PDIA5: variants seen among roughly 807,000 people sequenced by gnomAD.
PDIA5 encodes protein disulfide-isomerase A5.
Under a neutral mutation model 77.6 loss-of-function variants are expected in PDIA5, and 58 were observed. The ratio of observed to expected loss-of-function variants is 0.75; its 90% CI spans 0.61 to 0.93. The LOEUF is 0.93. Among genes scored for constraint, PDIA5 ranks in the 40% least tolerant of loss-of-function variants. The probability of loss-of-function intolerance (pLI) is 0.00; values close to 1 mark genes in which losing one functional copy is unlikely to be tolerated. For missense variants in PDIA5, 630 were observed against 647.7 expected (o/e 0.97, Z 0.30); for synonymous variants, 250 against 252.1 (o/e 0.99, Z 0.08).
intron 2 of PDIA5, 29 bp from the exon 3 acceptor site, chr3:123,092,326 A>C (rs377372212): frequency 2.5e-6 from 4 of 1,581,622 alleles, no homozygotes; most frequent in Non-Finnish European, 3.5e-6. Context: ...TTGGTCACAG[A>C]TGTTTAATTT....
At chr3:123,129,420 C>G (rs188228340) in intron 10 of PDIA5, among the ~76,000 whole-genome samples, 1 of 152,190 alleles carries the variant, frequency 6.6e-6, no homozygotes, top group South Asian at 2.1e-4. Flanking sequence ...TACCCGGCTG[C>G]GGAGGGAAGT....
chr3:123,145,475 A>G, intron 11 of PDIA5, 47 bp from the exon 12 acceptor site: 1 of 1,481,090 alleles, frequency 6.8e-7, no homozygotes. Flanking sequence ...GAGCATCCCG[A>G]GGGCCTCTGT....
At chr3:123,145,245 G>T in intron 11 of PDIA5, 1 of 385,124 alleles carries the variant, frequency 2.6e-6, no homozygotes, top group Non-Finnish European at 4.6e-6. Flanking sequence ...ACTTTGTGGG[G>T]TAGTTATGAG....
intron 10 of PDIA5, among the ~76,000 whole-genome samples, chr3:123,128,301 T>C (rs1560538026): frequency 6.6e-6 from 1 of 152,198 alleles, no homozygotes; most frequent in African/African-American, 2.4e-5. Context: ...GTTTTTTGTT[T>C]TGAAACTCCT....
intron 3 of PDIA5, among the ~76,000 whole-genome samples, chr3:123,098,498 G>A (rs530051879): frequency 3.7e-4 from 57 of 152,266 alleles, no homozygotes; most frequent in African/African-American, 1.1e-3. Flanking sequence ...AGCCACTCCC[G>A]ACTAGCAGCC....
chr3:123,117,878 G>A (rs1336429658), intron 8 of PDIA5, among the ~76,000 whole-genome samples: 1 of 152,004 alleles, frequency 6.6e-6, no homozygotes, highest in Non-Finnish European at 1.5e-5. Flanking sequence ...GTGTCTTGAT[G>A]GCAACATAAA....
chr3:123,074,214 A>ATTGG (rs1175312780), intron 1 of PDIA5, among the ~76,000 whole-genome samples: 1 of 152,216 alleles, frequency 6.6e-6, no homozygotes, highest in African/African-American at 2.4e-5. Context: ...ATGCTAAGGC[A>ATTGG]TTGGGGATAA....
chr3:123,084,054 C>A (rs925252511), intron 1 of PDIA5, among the ~76,000 whole-genome samples: 10 of 152,076 alleles, frequency 6.6e-5, no homozygotes, highest in African/African-American at 2.4e-4. Context: ...TGTCTTAGCT[C>A]TTTGGACCCC....
At chr3:123,071,539 A>T (rs186360860) in intron 1 of PDIA5, among the ~76,000 whole-genome samples, 3 of 152,232 alleles carry the variant, frequency 2.0e-5, no homozygotes. Context: ...GCCATTTAAA[A>T]TGCTGTTTGG....
In PDIA5 at chr3:123,102,727, C is replaced by T. The variant is rs761014503; in HGVS notation, c.342-24C>T. ...TCTTCACAACCATTCTTAAAGTTAA[C>T]ACATTTTTCTCCTCATTTGACAGGG... On this transcript the variant is annotated intron_variant, in intron 4 of 16. Coordinates refer to ENST00000316218, the MANE Select transcript of PDIA5 (RefSeq NM_006810.4). 2.5e-6 allele frequency: 4 copies of T among 1,579,014 alleles called. No individual in the cohort carries two copies. The Admixed American group carries it at 5.0e-5, about 20-fold the overall frequency.
At chr3:123,108,548 G>T (rs1175614389) in intron 6 of PDIA5, among the ~76,000 whole-genome samples, 1 of 148,514 alleles carries the variant, frequency 6.7e-6, no homozygotes, top group Admixed American at 6.7e-5. Context: ...CCAAAGTACT[G>T]AGATTACAGG....
chr3:123,149,835 A>G (rs1245494708), intron 13 of PDIA5, among the ~76,000 whole-genome samples: 1 of 152,142 alleles, frequency 6.6e-6, no homozygotes, highest in African/African-American at 2.4e-5. Flanking sequence ...CCACCAGAAC[A>G]GAAGCTGAGA....
chr3:123,129,557 A>G (rs1271993251), intron 10 of PDIA5, among the ~76,000 whole-genome samples: 1 of 152,116 alleles, frequency 6.6e-6, no homozygotes, highest in Non-Finnish European at 1.5e-5. Context: ...GTCTTTTCAC[A>G]TTTGTCATCC....
At chr3:123,109,837 C>T (rs1480412644) in intron 6 of PDIA5, among the ~76,000 whole-genome samples, 1 of 152,188 alleles carries the variant, frequency 6.6e-6, no homozygotes, top group East Asian at 1.9e-4. Context: ...TTGTAACTTG[C>T]TTCCCCCACC....
At chr3:123,113,752 G>A (rs965996132) in intron 7 of PDIA5, among the ~76,000 whole-genome samples, 6 of 152,200 alleles carry the variant, frequency 3.9e-5, no homozygotes, top group Non-Finnish European at 7.3e-5. Flanking sequence ...TTGGTCACAT[G>A]TTGGGTGAAT....
chr3:123,075,262 T>C (rs1219801097), intron 1 of PDIA5, among the ~76,000 whole-genome samples: 1 of 152,176 alleles, frequency 6.6e-6, no homozygotes, highest in African/African-American at 2.4e-5. Context: ...GATGTGTTGC[T>C]TAGAAGAGAG....
At chr3:123,145,295 C>T (rs982596537) in intron 11 of PDIA5, 6 of 540,144 alleles carry the variant, frequency 1.1e-5, no homozygotes, top group South Asian at 2.5e-5. Context: ...ACCAGTTGCC[C>T]GTATTATTTA....
Position 123,092,267 on chromosome 3 carries a change from C to G in PDIA5, c.170-88C>G, listed in dbSNP as rs1934310826. The G allele has an allele frequency of 6.5e-6, 7 of 1,070,492 alleles. No homozygotes were observed. The East Asian group carries it at 1.4e-4, about 22-fold the overall frequency. The allele number at this position is 1,070,492 out of a possible 1,614,324, so 66.3% of individuals were successfully genotyped here. A position where few individuals can be genotyped will look rare whatever the true frequency, so the allele number is the denominator to read the frequency against. On this transcript the variant is annotated intron_variant, in intron 2 of 16. Transcript: ENST00000316218. ...TCTCCACCCCCTCTAGGATTGGTCTCCATCCTTCCTCACCCCTGAGGGAAG... is the reference window on the plus strand; with the variant it reads ...TCTCCACCCCCTCTAGGATTGGTCTGCATCCTTCCTCACCCCTGAGGGAAG...
At chr3:123,106,697 TC>T (rs1188659280) in intron 5 of PDIA5, 51 bp from the exon 6 acceptor site, 2 of 1,303,952 alleles carry the variant, frequency 1.5e-6, no homozygotes, top group African/African-American at 2.9e-5. Flanking sequence ...TTCCCCCACC[TC>T]CCTCTTTTCA....
Sources: allele counts gnomAD v4.1 joint callset (sites outside exome capture counted in the v4.1 genomes callset), GRCh38; gene constraint gnomAD v4.1.1; transcripts MANE v1.5; gene names NCBI Gene and HGNC (gene_info 2026-07-23, HGNC 2026-07-21).